NKAIN4: variants seen among roughly 807,000 people sequenced by gnomAD.
The protein encoded by NKAIN4 is sodium/potassium-transporting ATPase subunit beta-1-interacting protein 4.
A neutral mutation model predicts 28.8 loss-of-function variants in NKAIN4; 28 were observed. The observed-to-expected ratio is 0.97, with a 90% CI of 0.72 to 1.33. NKAIN4 has a LOEUF of 1.33. NKAIN4 is among the 40% of genes most tolerant of loss of function. The probability of loss-of-function intolerance (pLI) is 0.00; values close to 1 mark genes in which losing one functional copy is unlikely to be tolerated. For missense variants in NKAIN4, 289 were observed against 277.2 expected, an observed-to-expected ratio of 1.04 and a Z score of -0.30; for synonymous variants, 122 against 115.6, an observed-to-expected ratio of 1.06 and a Z score of -0.36.
intron 6 of NKAIN4, chr20:63,241,755 G>C (rs1407799815): frequency 7.4e-6 from 5 of 672,620 alleles, no homozygotes; most frequent in Admixed American, 6.2e-5. Flanking sequence ...CTGTGGGGCT[G>C]GGAGTGGAGA....
At position 63,248,914 on chromosome 20, in the gene NKAIN4, G is replaced by C. The variant is rs777966989; in HGVS notation, c.193-19C>G. 1 of 1,587,132 alleles carries C rather than the reference G, an allele frequency of 6.3e-7. No homozygotes were observed. Among genetic ancestry groups the C allele is most frequent in the Non-Finnish European group, 8.6e-7 (1 of 1,157,198 alleles). On this transcript the variant is annotated intron_variant, in intron 2 of 6. Coordinates refer to ENST00000370316, the MANE Select transcript of NKAIN4 (RefSeq NM_152864.4). The stretch of plus-strand genomic sequence containing the variant: ...GCGTGTACTAGGGAGAGGAGAGGAT[G>C]GGGCGGCAGCTGAACACAGCTCCCG...
intron 4 of NKAIN4, 27 bp downstream of exon 4, chr20:63,247,551 C>A: frequency 1.3e-6 from 2 of 1,546,408 alleles, no homozygotes; most frequent in Non-Finnish European, 1.7e-6. Context: ...CCCATCCCCA[C>A]CCGGGGGCCC....
intron 4 of NKAIN4, among the ~76,000 whole-genome samples, chr20:63,244,998 C>T (rs2066829936): frequency 6.6e-6 from 1 of 152,210 alleles, no homozygotes. Flanking sequence ...CCTCCATAGA[C>T]TTGGCCCAAC....
At chr20:63,247,838 C>T (rs965167665) in intron 3 of NKAIN4, 63 bp from the exon 4 acceptor site, 2 of 1,409,762 alleles carry the variant, frequency 1.4e-6, no homozygotes, top group African/African-American at 2.9e-5. Context: ...TCACCCACTG[C>T]AGCCTGCGGG....
upstream of NKAIN4, chr20:63,254,650 G>A (rs1485733376): frequency 2.5e-6 from 1 of 401,858 alleles, no homozygotes; most frequent in Admixed American, 4.6e-5. Flanking sequence ...TGCGGCCCCT[G>A]GGGGCTTCGC....
chr20:63,253,331 T>G (rs1352925784), intron 1 of NKAIN4: 1 of 985,114 alleles, frequency 1.0e-6, no homozygotes, highest in Non-Finnish European at 1.2e-6. Flanking sequence ...CGCCGGAAGC[T>G]CCTTCCTTCC....
Position 63,241,391 on chromosome 20 carries a change from G to A in NKAIN4, c.*106C>T, listed in dbSNP as rs2066747896. 1.6e-6 allele frequency: 2 copies of A among 1,243,078 alleles called. No homozygotes were observed. The highest frequency in any genetic ancestry group is 2.0e-5 in the Admixed American group (1 of 50,212). The allele number at this position is 1,243,078 out of a possible 1,614,324, so 77.0% of individuals were successfully genotyped here. ...AGGGCAGGTGCTGCCGGCCGCCTGG[G>A]GGGTGCTGGGTGGGGGCGCGTCCCA... On this transcript the variant is annotated 3_prime_UTR_variant, in exon 7 of 7. Transcript: ENST00000370316.
intron 4 of NKAIN4, chr20:63,247,228 CA>C: frequency 8.2e-7 from 1 of 1,212,224 alleles, no homozygotes; most frequent in Non-Finnish European, 1.0e-6. Context: ...ATGGGTTTGT[CA>C]GGAAGATGCA....
At chr20:63,241,647 T>C in intron 6 of NKAIN4, 141 bp from the exon 7 acceptor site, 1 of 757,298 alleles carries the variant, frequency 1.3e-6, no homozygotes, top group East Asian at 2.7e-5. Flanking sequence ...AGAAAGGAGA[T>C]GGGTGGGACT....
intron 6 of NKAIN4, 54 bp from the exon 7 acceptor site, chr20:63,241,560 G>C: frequency 6.8e-7 from 1 of 1,480,392 alleles, no homozygotes. Flanking sequence ...GGCAGCCACT[G>C]GGGGCTGCCA....
chr20:63,251,899 G>A (rs796149699), intron 1 of NKAIN4, among the ~76,000 whole-genome samples: 3 of 152,252 alleles, frequency 2.0e-5, no homozygotes, highest in Admixed American at 6.5e-5. Context: ...CATCGTGCCC[G>A]GAGGACACTA....
intron 3 of NKAIN4, 127 bp downstream of exon 3, chr20:63,248,688 A>T: frequency 1.5e-6 from 1 of 680,506 alleles, no homozygotes; most frequent in Non-Finnish European, 2.7e-6. Flanking sequence ...GGTGCTGGGG[A>T]CAGAGCCATG....
upstream of NKAIN4, chr20:63,254,593 CCAGCCCCGGGTAA>C (rs1401699309): frequency 1.7e-6 from 1 of 582,846 alleles, no homozygotes; most frequent in African/African-American, 1.9e-5. Context: ...CGGCCCAGCC[CCAGCCCCGGGTAA>C]CAGCTGCGCT....
chr20:63,244,117 G>C, intron 4 of NKAIN4, 33 bp from the exon 5 acceptor site: 1 of 1,589,012 alleles, frequency 6.3e-7, no homozygotes, highest in Non-Finnish European at 8.6e-7. Flanking sequence ...GCGTGAGTGC[G>C]GCCAGGCGAG....
At chr20:63,246,957 C>T (rs557381657) in intron 4 of NKAIN4, 5 of 987,714 alleles carry the variant, frequency 5.1e-6, no homozygotes, top group Non-Finnish European at 6.0e-6. Context: ...AGCCCCTGTT[C>T]TCTACCAACC....
At chr20:63,250,410 G>A (rs1205937865) in intron 1 of NKAIN4, among the ~76,000 whole-genome samples, 1 of 152,192 alleles carries the variant, frequency 6.6e-6, no homozygotes, top group Admixed American at 6.5e-5. Context: ...TCCTCATCTG[G>A]AGAATGGGAA....
At chr20:63,249,077 G>A (rs892861552) in intron 2 of NKAIN4, 182 bp from the exon 3 acceptor site, 27 of 581,868 alleles carry the variant, frequency 4.6e-5, no homozygotes, top group Non-Finnish European at 6.5e-5. Context: ...CCTGGGACAC[G>A]TCTCAGAGCT....
intron 5 of NKAIN4, among the ~76,000 whole-genome samples, chr20:63,243,531 C>T (rs1353320903): frequency 2.0e-5 from 3 of 152,298 alleles, no homozygotes; most frequent in African/African-American, 2.4e-5. Flanking sequence ...GGGGACCCAG[C>T]GAGGGCGCCT....
intron 1 of NKAIN4, among the ~76,000 whole-genome samples, chr20:63,251,511 G>A (rs2123126585): frequency 6.6e-6 from 1 of 152,286 alleles, no homozygotes; most frequent in East Asian, 1.9e-4. Flanking sequence ...GGTCCGCTTG[G>A]CAACGGGCGT....
Sources: gnomAD v4.1 joint callset for allele counts (sites outside exome capture counted in the v4.1 genomes callset) on GRCh38, gnomAD v4.1.1 for gene constraint, MANE v1.5 for transcripts, NCBI Gene and HGNC (gene_info 2026-07-23, HGNC 2026-07-21) for gene names.